ICA1: variants seen among roughly 807,000 people sequenced by gnomAD.
ICA1 encodes the protein 69 kDa islet cell autoantigen.
Under a neutral mutation model 71.0 loss-of-function variants are expected in ICA1, and 40 were observed. The ratio of observed to expected loss-of-function variants is 0.56; its 90% CI spans 0.44 to 0.73. ICA1 has a LOEUF of 0.73. Among genes scored for constraint, ICA1 ranks in the 30% least tolerant of loss-of-function variants. The probability of loss-of-function intolerance (pLI) is 0.00; values close to 1 mark genes in which losing one functional copy is unlikely to be tolerated. For missense variants in ICA1, 578 were observed against 576.5 expected, an observed-to-expected ratio of 1.00 and a Z score of -0.03; for synonymous variants, 207 against 209.5, an observed-to-expected ratio of 0.99 and a Z score of 0.10.
rs1428941910 is a variant in ICA1 at position 8,174,769 on chromosome 7, A to AC, written c.580-16118_580-16117insG. Among the ~76,000 whole-genome samples the AC allele has an allele frequency of 3.2e-4, 33 of 103,346 alleles. No homozygotes were observed. In the East Asian group the frequency reaches 8.3e-3, roughly 26 times the overall value. The allele number at this position is 103,346 out of a possible 152,430, so 67.8% of individuals were successfully genotyped here. On this transcript the variant is annotated intron_variant, in intron 6 of 13. Coordinates refer to ENST00000402384, the MANE Select transcript of ICA1 (RefSeq NM_001136020.3). The stretch of plus-strand genomic sequence containing the variant: ...AGACTGTATCTCAAAAAAAAAAAAA[A>AC]AAAAAAAAAACAGAGAGAGAGACAA...
At chr7:8,202,323 A>G (rs1790002353) in intron 6 of ICA1, among the ~76,000 whole-genome samples, 1 of 152,104 alleles carries the variant, frequency 6.6e-6, no homozygotes. Context: ...CAGTTATGTA[A>G]CCTCTCTAAG....
At chr7:8,197,776 CTT>C (rs983813576) in intron 6 of ICA1, among the ~76,000 whole-genome samples, 1 of 151,824 alleles carries the variant, frequency 6.6e-6, no homozygotes, top group Non-Finnish European at 1.5e-5. Flanking sequence ...AGATAGATGA[CTT>C]ATAACTAAAT....
At chr7:8,184,513 C>G (rs1385594286) in intron 6 of ICA1, among the ~76,000 whole-genome samples, 1 of 152,166 alleles carries the variant, frequency 6.6e-6, no homozygotes, top group Non-Finnish European at 1.5e-5. Flanking sequence ...GAAATTTGCT[C>G]TAACCATGCT....
At chr7:8,171,937 T>C (rs1008211583) in intron 6 of ICA1, among the ~76,000 whole-genome samples, 1 of 152,008 alleles carries the variant, frequency 6.6e-6, no homozygotes, top group African/African-American at 2.4e-5. Context: ...TTGTTACTGA[T>C]TTCTAGTTTA....
chr7:8,215,163 C>T (rs963693422), intron 6 of ICA1, among the ~76,000 whole-genome samples: 4 of 152,192 alleles, frequency 2.6e-5, no homozygotes, highest in Admixed American at 2.6e-4. Context: ...ACTCCGTCCC[C>T]TTAGAGCGGT....
rs557506498 is a variant in ICA1, at chr7:8,167,264, A to G, written c.580-8612T>C. Among the ~76,000 whole-genome samples, 29 of 152,342 alleles carry G rather than the reference A, an allele frequency of 1.9e-4. No individual in the cohort carries two copies. The South Asian group carries it at 6.0e-3, about 32-fold the overall frequency. ...GTAGAGTGGATAAGGAAAATGCGGT[A>G]CATATGCACCATAGCATACTACACA... is the stretch of plus-strand genomic sequence containing the variant. On this transcript the variant is annotated intron_variant, in intron 6 of 13. Transcript: ENST00000402384.
At chr7:8,127,391 T>C (rs945119604) in intron 13 of ICA1, among the ~76,000 whole-genome samples, 1 of 152,040 alleles carries the variant, frequency 6.6e-6, no homozygotes, top group African/African-American at 2.4e-5. Flanking sequence ...AGAGTGGATC[T>C]AGTGGGGGGT....
In ICA1 at chr7:8,236,023, T is replaced by C; in HGVS notation, c.-79-18A>G. 1.6e-6 allele frequency: 2 copies of C among 1,265,284 alleles called. No individual in the cohort carries two copies. The highest frequency in any genetic ancestry group is 1.2e-5 in the South Asian group (1 of 80,140). The allele number at this position is 1,265,284 out of a possible 1,614,324, so 78.4% of individuals were successfully genotyped here. ...ATTATAACCTGAAATAAAACAAATATGTTTAATAGTTACACACCATATTAT... is the reference window on the plus strand; with the variant it reads ...ATTATAACCTGAAATAAAACAAATACGTTTAATAGTTACACACCATATTAT... On this transcript the variant is annotated intron_variant, in intron 1 of 13. Transcript: ENST00000402384.
At chr7:8,250,867 T>G (rs1265076712) in intron 1 of ICA1, among the ~76,000 whole-genome samples, 1 of 152,222 alleles carries the variant, frequency 6.6e-6, no homozygotes, top group African/African-American at 2.4e-5. Flanking sequence ...TGTTTTCTGT[T>G]AATGAACTAA....
chr7:8,251,768 A>G (rs1808294492), intron 1 of ICA1, among the ~76,000 whole-genome samples: 1 of 152,162 alleles, frequency 6.6e-6, no homozygotes, highest in African/African-American at 2.4e-5. Flanking sequence ...TTGCCAAGCT[A>G]CTTTCTAAAA....
At chr7:8,241,722 C>T (rs567544744) in intron 1 of ICA1, among the ~76,000 whole-genome samples, 1 of 152,240 alleles carries the variant, frequency 6.6e-6, no homozygotes, top group South Asian at 2.1e-4. Context: ...GGAGGAACAT[C>T]TACCAAACAA....
intron 13 of ICA1, among the ~76,000 whole-genome samples, chr7:8,119,893 C>G (rs1786201990): frequency 6.6e-6 from 1 of 152,184 alleles, no homozygotes; most frequent in African/African-American, 2.4e-5. Context: ...ATTATATTTT[C>G]AAACATGTGA....
At chr7:8,254,179 T>A (rs1055339048) in intron 1 of ICA1, among the ~76,000 whole-genome samples, 1 of 152,154 alleles carries the variant, frequency 6.6e-6, no homozygotes, top group Non-Finnish European at 1.5e-5. Flanking sequence ...TTTGTCTCAT[T>A]AGTCTTAAAT....
chr7:8,155,945 C>T (rs1259181118), intron 8 of ICA1, among the ~76,000 whole-genome samples: 1 of 152,206 alleles, frequency 6.6e-6, no homozygotes, highest in Non-Finnish European at 1.5e-5. Flanking sequence ...AAAGCTCCTT[C>T]CCCTGAAGTG....
intron 6 of ICA1, among the ~76,000 whole-genome samples, chr7:8,213,692 C>T (rs939446181): frequency 3.3e-5 from 5 of 152,218 alleles, no homozygotes; most frequent in African/African-American, 1.2e-4. Flanking sequence ...ACAGGAAACC[C>T]ATCCCCCATA....
chr7:8,166,897 A>C lies in ICA1; in HGVS notation c.580-8245T>G, dbSNP rs571085037. On this transcript the variant is annotated intron_variant, in intron 6 of 13. Transcript: ENST00000402384. The stretch of plus-strand genomic sequence containing the variant: ...TATGAAAAGAATGCTCAACATCACT[A>C]ATCATAGAGAAATGAAATCAAAACT... Among the ~76,000 whole-genome samples, 6 of 3,618 alleles carry C rather than the reference A, an allele frequency of 1.7e-3. No individual in the cohort carries two copies. In the Admixed American group the frequency reaches 0.023, roughly 14 times the overall value. The allele number at this position is 3,618 out of a possible 152,430, so 2.4% of individuals were successfully genotyped here.
chr7:8,181,811 A>C (rs1782272063), intron 6 of ICA1, among the ~76,000 whole-genome samples: 1 of 152,212 alleles, frequency 6.6e-6, no homozygotes, highest in African/African-American at 2.4e-5. Context: ...TTAAGAGGTC[A>C]AAGGAACATA....
intron 1 of ICA1, among the ~76,000 whole-genome samples, chr7:8,247,412 A>G (rs776832503): frequency 2.6e-5 from 4 of 152,154 alleles, no homozygotes; most frequent in Non-Finnish European, 5.9e-5. Flanking sequence ...GAGAGCCATG[A>G]TGGAGCCACT....
chr7:8,216,760 T>A (rs555943072), intron 6 of ICA1, among the ~76,000 whole-genome samples: 286 of 152,228 alleles, frequency 1.9e-3, no homozygotes, highest in Non-Finnish European at 2.8e-3. Context: ...GAGAAGAAAA[T>A]TATGTGTATT....
Sources: allele counts gnomAD v4.1 joint callset (sites outside exome capture counted in the v4.1 genomes callset), GRCh38; gene constraint gnomAD v4.1.1; transcripts MANE v1.5; gene names NCBI Gene and HGNC (gene_info 2026-07-23, HGNC 2026-07-21).